ERICH1: variants seen among roughly 807,000 people sequenced by gnomAD.
ERICH1 encodes the protein glutamate rich 1.
Under a neutral mutation model 39.6 loss-of-function variants are expected in ERICH1, and 56 were observed. The observed-to-expected ratio is 1.41, with a 90% CI of 1.14 to 1.77. ERICH1 has a LOEUF of 1.77. ERICH1 is among the 40% of genes most tolerant of loss of function. The probability of loss-of-function intolerance (pLI) is 0.00; values close to 1 mark genes in which losing one functional copy is unlikely to be tolerated. For missense variants in ERICH1, 826 were observed against 575.4 expected, an observed-to-expected ratio of 1.44 and a Z score of -4.45; for synonymous variants, 313 against 223.6, an observed-to-expected ratio of 1.40 and a Z score of -3.57.
intron 3 of ERICH1, among the ~76,000 whole-genome samples, chr8:688,422 C>T (rs559584555): frequency 6.7e-6 from 1 of 148,822 alleles, no homozygotes; most frequent in Admixed American, 6.7e-5. Context: ...TCCCTCCGGC[C>T]TTCCTTAGCG....
intron 5 of ERICH1, 71 bp from the exon 6 acceptor site, chr8:664,747 T>A: frequency 7.6e-7 from 1 of 1,312,354 alleles, no homozygotes; most frequent in Non-Finnish European, 1.1e-6. Context: ...TATTATTATG[T>A]AGACACGAGC....
chr8:637,185 G>A (rs1191436235), intron 3 of ERICH1, among the ~76,000 whole-genome samples: 2 of 152,238 alleles, frequency 1.3e-5, no homozygotes, highest in African/African-American at 2.4e-5. Context: ...AGCCCTGCTG[G>A]AAACAGGCTG....
chr8:695,805 G>T (rs112783472), intron 2 of ERICH1, among the ~76,000 whole-genome samples: 2 of 131,406 alleles, frequency 1.5e-5, no homozygotes, highest in East Asian at 2.4e-4. Context: ...CACCTGTGCT[G>T]GCTCCTCTCA....
At chr8:625,769 T>C (rs1282270709) in intron 3 of ERICH1, 1 of 152,224 alleles carries the variant, frequency 6.6e-6, no homozygotes, top group East Asian at 1.9e-4. Flanking sequence ...TCTCAAGTGT[T>C]CCGTCGTTGA....
chr8:673,593 G>A lies in ERICH1; in HGVS notation c.759C>T (p.Ala253=), dbSNP rs55783038. The A allele has an allele frequency of 0.37, 599,887 of 1,612,608 alleles. 120,280 individuals carry two copies. Among genetic ancestry groups the A allele is most frequent in the Non-Finnish European group, 0.42 (493,079 of 1,179,638 alleles). ...CGGCCGGTGTCGGATCTTCCTCACT[G>A]GCGTCCGCACCCTCTTCCTGCCTGG... ...TRARQEEGAD[A]SEEDPTPAGE... Residue 253 remains alanine (A), a synonymous_variant, in exon 4 of 6, where the codon GCC becomes GCT. Transcript: ENST00000262109.
chr8:624,795 C>T (rs771704134), intron 3 of ERICH1, among the ~76,000 whole-genome samples: 355 of 152,168 alleles, frequency 2.3e-3, no homozygotes, highest in Non-Finnish European at 3.8e-3. Context: ...GGCACGATCT[C>T]GGCTCACTGC....
intron 2 of ERICH1, among the ~76,000 whole-genome samples, chr8:706,877 T>C (rs1441060887): frequency 6.6e-6 from 1 of 152,192 alleles, no homozygotes; most frequent in East Asian, 1.9e-4. Context: ...ATCCTAAAGC[T>C]AGGGACTGGA....
exon 4 of ERICH1, chr8:615,038 G>T: frequency 2.2e-6 from 1 of 462,494 alleles, no homozygotes. Flanking sequence ...GAGCAGACGT[G>T]GCTACGCTCC....
At chr8:685,418 C>G (rs150601517) in intron 3 of ERICH1, among the ~76,000 whole-genome samples, 1,795 of 152,246 alleles carry the variant, frequency 0.012, 34 homozygotes, top group African/African-American at 0.04. Flanking sequence ...ACAATTTGTG[C>G]AGTTAACGCA....
intron 1 of ERICH1, 121 bp from the exon 2 acceptor site, chr8:716,128 C>T (rs1815933840): frequency 7.9e-7 from 1 of 1,259,544 alleles, no homozygotes; most frequent in South Asian, 1.7e-5. Flanking sequence ...AACGGAGACC[C>T]AAGTCCCTGG....
Position 673,982 on chromosome 8 carries a change from T to A in ERICH1, c.370A>T (p.Lys124Ter), listed in dbSNP as rs992215278. ...TCTATAAGAACATTATTGGGATTTT[T>A]AAATTTTTTCTTTGATTTATGCTTC... ...IRKHKSKKKF[K>*]NPNNVLIEQA... Residue 124 changes from lysine (K) to a stop codon, truncating the protein, a stop_gained, in exon 4 of 6, where the codon AAA becomes TAA. Transcript: ENST00000262109. LOFTEE classifies it high-confidence loss of function. The A allele has an allele frequency of 1.1e-5, 18 of 1,589,996 alleles. No homozygotes were observed. Among genetic ancestry groups the A allele is most frequent in the Non-Finnish European group, 1.4e-5 (17 of 1,175,238 alleles).
chr8:691,605 AATCT>A (rs1200855268), intron 3 of ERICH1, among the ~76,000 whole-genome samples: 4 of 152,386 alleles, frequency 2.6e-5, no homozygotes, highest in Non-Finnish European at 4.4e-5. Flanking sequence ...CTAGTTAAAT[AATCT>A]ATCTATCTAA....
rs187459912 is a variant in ERICH1 at position 643,505 on chromosome 8, C to T, written c.976+25093G>A. Among the ~76,000 whole-genome samples the T allele has an allele frequency of 6.1e-3, 926 of 152,086 alleles. 8 individuals are homozygous for T. The highest frequency in any genetic ancestry group is 0.01 in the Non-Finnish European group (711 of 67,954). The stretch of plus-strand genomic sequence containing the variant: ...GATGGGGGGCACTGATGGTCACCCC[C>T]GTGCAGGGCCCTGGGCCGAAGCCCC... On this transcript the variant is annotated intron_variant, in intron 3 of 3. Coordinates refer to the ERICH1 transcript ENST00000522706.
intron 3 of ERICH1, chr8:616,379 G>T (rs930226643): frequency 5.6e-6 from 2 of 358,736 alleles, no homozygotes; most frequent in African/African-American, 2.1e-5. Context: ...GGCGGCCGCC[G>T]TCCAGAGAGA....
At chr8:631,771 A>C (rs1798053558) in intron 3 of ERICH1, among the ~76,000 whole-genome samples, 1 of 152,070 alleles carries the variant, frequency 6.6e-6, no homozygotes, top group Non-Finnish European at 1.5e-5. Flanking sequence ...GCTTCCCGAG[A>C]ACTGCCATGT....
intron 2 of ERICH1, among the ~76,000 whole-genome samples, chr8:696,375 G>A (rs868407820): frequency 8.5e-5 from 1 of 11,740 alleles, no homozygotes; most frequent in African/African-American, 7.2e-4. Flanking sequence ...GCCTGCGCTC[G>A]CTCCTCACCC....
chr8:678,183 C>G (rs779428802), intron 3 of ERICH1, among the ~76,000 whole-genome samples: 1 of 151,970 alleles, frequency 6.6e-6, no homozygotes, highest in Non-Finnish European at 1.5e-5. Flanking sequence ...ATCCTTTTCT[C>G]AGGATGCTCC....
At position 669,143 on chromosome 8, in the gene ERICH1, C is replaced by G. The variant is rs1218573445; in HGVS notation, c.1064-351G>C. On this transcript the variant is annotated intron_variant, in intron 4 of 5. Transcript: ENST00000262109. ...CACGTCTGTCTGGTGAGACGCCTCC[C>G]CTGGCCCGTCTACACGTCTGTCTGG... is the stretch of plus-strand genomic sequence containing the variant. 4.8e-4 allele frequency: 60 copies of G among 124,436 alleles called. 1 individual carries two copies. The South Asian group carries it at 8.8e-3, about 18-fold the overall frequency. 7.7% of individuals were successfully genotyped at this position (124,436 alleles called of 1,614,324 possible). A position where few individuals can be genotyped will look rare whatever the true frequency, so the allele number is the denominator to read the frequency against.
At chr8:722,339 G>A (rs902889932) in intron 1 of ERICH1, among the ~76,000 whole-genome samples, 20 of 151,610 alleles carry the variant, frequency 1.3e-4, no homozygotes, top group Admixed American at 3.9e-4. Context: ...AAAACACCCC[G>A]TCTGAAATTC....
Sources: allele counts gnomAD v4.1 joint callset (sites outside exome capture counted in the v4.1 genomes callset), GRCh38; gene constraint gnomAD v4.1.1; transcripts MANE v1.5; gene names NCBI Gene and HGNC (gene_info 2026-07-23, HGNC 2026-07-21).